Variants in MAST4 observed in about 807,000 individuals in gnomAD.
The protein encoded by MAST4 is microtubule-associated serine/threonine-protein kinase 4.
MAST4 carries 89 observed loss-of-function variants against 162.7 expected under a neutral mutation model. That is an observed-to-expected ratio of 0.55 (90% CI 0.46 to 0.65). MAST4 has a LOEUF of 0.65. MAST4 is among the 30% of genes least tolerant of loss of function. The probability of loss-of-function intolerance (pLI) is 0.00; values close to 1 mark genes in which losing one functional copy is unlikely to be tolerated. For synonymous variants in MAST4, 1,479 were observed against 1,361.1 expected (o/e 1.09, Z -1.91); for missense variants, 3,153 against 3,374.0 (o/e 0.93, Z 1.62).
intron 3 of MAST4, 35 bp from the exon 4 acceptor site, chr5:66,899,916 G>A (rs375526538): frequency 2.0e-4 from 291 of 1,489,082 alleles, no homozygotes; most frequent in Non-Finnish European, 2.4e-4. Flanking sequence ...GGTTAATGCA[G>A]CATTGCTTAT....
At chr5:66,743,396 G>T (rs1361841917) in intron 1 of MAST4, among the ~76,000 whole-genome samples, 1 of 152,238 alleles carries the variant, frequency 6.6e-6, no homozygotes, top group Non-Finnish European at 1.5e-5. Context: ...CCCTGGGATG[G>T]CGTGACCTGG....
chr5:66,676,988 G>A (rs984220559), intron 1 of MAST4, among the ~76,000 whole-genome samples: 5 of 152,270 alleles, frequency 3.3e-5, no homozygotes, highest in Non-Finnish European at 7.4e-5. Flanking sequence ...CTTTTTGAAG[G>A]TCATCTGGTG....
intron 1 of MAST4, among the ~76,000 whole-genome samples, chr5:66,615,640 C>G (rs1743620836): frequency 7.7e-6 from 1 of 130,220 alleles, no homozygotes; most frequent in African/African-American, 3.2e-5. Flanking sequence ...ATAGTAAGAC[C>G]CAGTCTCCCT....
At chr5:67,051,995 T>G (rs950455534) in intron 4 of MAST4, among the ~76,000 whole-genome samples, 3 of 152,166 alleles carry the variant, frequency 2.0e-5, no homozygotes, top group African/African-American at 7.2e-5. Flanking sequence ...GAAAAAAGAT[T>G]AGAGGAGACA....
chr5:66,739,015 CT>C (rs899333704), intron 1 of MAST4, among the ~76,000 whole-genome samples: 7 of 150,958 alleles, frequency 4.6e-5, no homozygotes, highest in South Asian at 2.1e-4. Flanking sequence ...TCCTATAGAT[CT>C]TTTTTTTTGC....
At chr5:66,625,981 A>G (rs754843299) in intron 1 of MAST4, among the ~76,000 whole-genome samples, 1 of 152,224 alleles carries the variant, frequency 6.6e-6, no homozygotes, top group Non-Finnish European at 1.5e-5. Flanking sequence ...ATTTGCAACA[A>G]CATGGGTGGA....
Position 66,950,272 on chromosome 5 carries a change from T to A in MAST4, c.674+50290T>A, listed in dbSNP as rs545434556. ...TTTTCTTAGTTGTGGGGAATATACC[T>A]AACATAAAATTTTTGTTTTAGCCAT... On this transcript the variant is annotated intron_variant, in intron 4 of 28. Transcript: ENST00000403625. Among the ~76,000 whole-genome samples, 8 of 152,152 alleles carry A rather than the reference T, an allele frequency of 5.3e-5. No individual in the cohort carries two copies. In the South Asian group the frequency reaches 1.7e-3, roughly 32 times the overall value.
chr5:67,111,168 T>C (rs948487259), intron 11 of MAST4, among the ~76,000 whole-genome samples: 5 of 152,250 alleles, frequency 3.3e-5, no homozygotes, highest in Non-Finnish European at 7.3e-5. Context: ...ATTATAATTA[T>C]TTTAAGGATC....
At chr5:66,678,157 A>C (rs182612477) in intron 1 of MAST4, among the ~76,000 whole-genome samples, 28 of 152,280 alleles carry the variant, frequency 1.8e-4, no homozygotes, top group Admixed American at 2.6e-4. Flanking sequence ...AGCCAGGCAC[A>C]GAAAGACACA....
At chr5:66,756,262 T>C (rs971859995) in intron 1 of MAST4, among the ~76,000 whole-genome samples, 2 of 152,178 alleles carry the variant, frequency 1.3e-5, no homozygotes, top group African/African-American at 4.8e-5. Context: ...GCAAATCCAG[T>C]CACACAAATC....
At chr5:66,766,463 T>C (rs1754101797) in intron 2 of MAST4, among the ~76,000 whole-genome samples, 1 of 152,192 alleles carries the variant, frequency 6.6e-6, no homozygotes, top group Non-Finnish European at 1.5e-5. Flanking sequence ...TTTTTTGGAC[T>C]ATAGAAATCA....
chr5:66,808,308 C>T (rs1262887693), intron 3 of MAST4, among the ~76,000 whole-genome samples: 4 of 152,206 alleles, frequency 2.6e-5, no homozygotes, highest in Admixed American at 2.6e-4. Flanking sequence ...TGGCAGGTCC[C>T]ATTCTTGTAG....
chr5:66,613,526 C>A (rs1392930693), intron 1 of MAST4, among the ~76,000 whole-genome samples: 2 of 152,042 alleles, frequency 1.3e-5, no homozygotes, highest in Non-Finnish European at 2.9e-5. Context: ...CCCCTGAGTT[C>A]TTGGCAGGAA....
intron 3 of MAST4, chr5:66,792,496 T>C (rs1270311687): frequency 6.3e-6 from 1 of 159,472 alleles, no homozygotes; most frequent in Non-Finnish European, 1.5e-5. Context: ...ATAGAAAGCA[T>C]TCAGTAAATA....
chr5:66,775,978 T>C (rs1754583230), intron 2 of MAST4, among the ~76,000 whole-genome samples: 2 of 152,304 alleles, frequency 1.3e-5, no homozygotes, highest in South Asian at 2.1e-4. Context: ...GAATTTGAAA[T>C]CTACTGGAAT....
At chr5:66,750,617 A>T (rs1753082016) in intron 1 of MAST4, among the ~76,000 whole-genome samples, 1 of 152,214 alleles carries the variant, frequency 6.6e-6, no homozygotes, top group Non-Finnish European at 1.5e-5. Context: ...CCAGGAGATT[A>T]TATCCCGCAC....
chr5:66,998,057 C>T (rs1750871084), intron 4 of MAST4, among the ~76,000 whole-genome samples: 2 of 152,168 alleles, frequency 1.3e-5, no homozygotes, highest in Admixed American at 6.5e-5. Context: ...TTTTCCATAA[C>T]TTTAGATGTA....
rs535089605 is a variant in MAST4 at position 66,914,940 on chromosome 5, A to C, written c.674+14958A>C. Among the ~76,000 whole-genome samples, 5 of 152,220 alleles carry C rather than the reference A, an allele frequency of 3.3e-5. No individual in the cohort carries two copies. The South Asian group carries it at 1.0e-3, about 32-fold the overall frequency. ...AAATATCAGTAGTGCTGAGGATGAGAAACTCTGATCTAGAGATCGAGAATC... is the reference window on the plus strand; with the variant it reads ...AAATATCAGTAGTGCTGAGGATGAGCAACTCTGATCTAGAGATCGAGAATC... On this transcript the variant is annotated intron_variant, in intron 4 of 28. Transcript: ENST00000403625.
At chr5:66,915,889 G>A (rs1205117151) in intron 4 of MAST4, among the ~76,000 whole-genome samples, 1 of 152,148 alleles carries the variant, frequency 6.6e-6, no homozygotes, top group African/African-American at 2.4e-5. Flanking sequence ...TACCATTATG[G>A]GTTTCTCTTC....
Sources: gnomAD v4.1 joint callset for allele counts (sites outside exome capture counted in the v4.1 genomes callset) on GRCh38, gnomAD v4.1.1 for gene constraint, MANE v1.5 for transcripts, NCBI Gene and HGNC (gene_info 2026-07-23, HGNC 2026-07-21) for gene names.